Variants in MACF1 observed in about 807,000 individuals in gnomAD.
MACF1 encodes microtubule actin crosslinking factor 1.
Under a neutral mutation model 854.8 loss-of-function variants are expected in MACF1, and 193 were observed. That is an observed-to-expected ratio of 0.23 (90% CI 0.20 to 0.25). The LOEUF (loss-of-function observed/expected upper bound fraction) is 0.25, where lower values mean the gene tolerates loss of function less well. MACF1 is among the 10% of genes least tolerant of loss of function. MACF1 has a pLI of 1.00. For missense variants in MACF1, 7,722 were observed against 8,929.1 expected, an observed-to-expected ratio of 0.86 and a Z score of 5.45; for synonymous variants, 3,185 against 3,226.7, an observed-to-expected ratio of 0.99 and a Z score of 0.44.
rs557820623 is a variant in MACF1, at chr1:39,297,934, T to A, written c.2481+189T>A. 3.3e-5 allele frequency among the ~76,000 whole-genome samples: 5 copies of A among 152,340 alleles called. No homozygotes were observed. The East Asian group carries it at 7.7e-4, about 23-fold the overall frequency. ...CTTTTTTTCCTTTTCTTTTCTTAAA[T>A]AAGTTGCTAATAAGATTTCTTTGGG... On this transcript the variant is annotated intron_variant, in intron 21 of 100. Coordinates refer to ENST00000564288, the MANE Select transcript of MACF1 (RefSeq NM_001394062.1).
rs1015123762 is a variant in MACF1, at chr1:39,298,565, A to T, written c.2481+820A>T. ...ATTTCAATAGAAAAGTCTGAATAAG[A>T]GAACTAGAATAACCCAAAACAGTTC... On this transcript the variant is annotated intron_variant, in intron 21 of 100. Coordinates refer to ENST00000564288, the MANE Select transcript of MACF1 (RefSeq NM_001394062.1). 7 of 373,180 alleles carry T rather than the reference A, an allele frequency of 1.9e-5. No individual in the cohort carries two copies. The Admixed American group carries it at 2.1e-4, about 11-fold the overall frequency. 23.1% of individuals were successfully genotyped at this position (373,180 alleles called of 1,614,324 possible). A position where few individuals can be genotyped will look rare whatever the true frequency, so the allele number is the denominator to read the frequency against.
At chr1:39,101,948 G>T (rs1007262489) in intron 2 of MACF1, among the ~76,000 whole-genome samples, 9 of 151,650 alleles carry the variant, frequency 5.9e-5, no homozygotes, top group African/African-American at 2.2e-4. Flanking sequence ...AGGCCGATGC[G>T]GGCGGATCAC....
chr1:39,462,147 TA>T (rs1223804298), intron 93 of MACF1, 110 bp downstream of exon 93: 1 of 1,056,778 alleles, frequency 9.5e-7, no homozygotes, highest in Non-Finnish European at 1.4e-6. Flanking sequence ...TGTTGGGAGA[TA>T]ATTATTTGGA....
At chr1:39,467,730 G>C (rs1398807410) in intron 95 of MACF1, 1 of 152,116 alleles carries the variant, frequency 6.6e-6, no homozygotes, top group Non-Finnish European at 1.5e-5. Flanking sequence ...CTAATCATTT[G>C]TTCAGCTGAA....
rs1645095731 is a variant in MACF1, at chr1:39,485,891, A to T, written c.*97A>T. Reference sequence around the variant, plus strand: ...GAACGGGAGAAGTTATATTGTTAAAAGTGTAAAAGAATAATTGTGTTATGA... The same window carrying T: ...GAACGGGAGAAGTTATATTGTTAAATGTGTAAAAGAATAATTGTGTTATGA... On this transcript the variant is annotated 3_prime_UTR_variant, in exon 101 of 101. Transcript: ENST00000564288. 1 of 1,270,036 alleles carries T rather than the reference A, an allele frequency of 7.9e-7. No homozygotes were observed. The highest frequency in any genetic ancestry group is 1.0e-6 in the Non-Finnish European group (1 of 972,874). 78.7% of individuals were successfully genotyped at this position (1,270,036 alleles called of 1,614,324 possible).
rs1375523827 is a variant in MACF1 at position 39,291,999 on chromosome 1, A to T, written c.1875A>T (p.Glu625Asp). 2 of 1,614,056 alleles carry T rather than the reference A, an allele frequency of 1.2e-6. No homozygotes were observed. The highest frequency in any genetic ancestry group is 8.5e-7 in the Non-Finnish European group (1 of 1,179,980). ...AGCAGCACATCCATACGAGTGTAGA[A>T]GAGCTGGGCTCAAGTGTCAAGGAGG... ...ETQQHIHTSV[E>D]ELGSSVKEAR... The change falls in exon 16 of 101, where the codon GAA becomes GAT. Residue 625 changes from glutamate (E) to aspartate (D), a missense_variant. Glu to Asp is a conservative substitution (Grantham distance 45, BLOSUM62 2). Around this residue, in one of 15 missense-constraint regions of MACF1, gnomAD observed 1,137 missense variants for 1,263.0 expected, o/e 0.90. Coordinates refer to ENST00000564288, the MANE Select transcript of MACF1 (RefSeq NM_001394062.1).
chr1:39,233,775 CTTTTT>C (rs11286953), intron 2 of MACF1, among the ~76,000 whole-genome samples: 15 of 36,546 alleles, frequency 4.1e-4, no homozygotes, highest in East Asian at 7.9e-4. Flanking sequence ...CTAGCCATAG[CTTTTT>C]TTTTTTTTTT....
At chr1:39,467,065 T>G (rs1446710127) in intron 95 of MACF1, among the ~76,000 whole-genome samples, 3 of 152,182 alleles carry the variant, frequency 2.0e-5, no homozygotes, top group African/African-American at 4.8e-5. Flanking sequence ...ACAGTTGTCC[T>G]TTATAACTTT....
chr1:39,125,532 G>A (rs1437683949), intron 2 of MACF1, among the ~76,000 whole-genome samples: 4 of 152,162 alleles, frequency 2.6e-5, no homozygotes, highest in Non-Finnish European at 5.9e-5. Context: ...GAGATGCTTA[G>A]GGAAGCAGAT....
At chr1:39,086,813 C>T (rs148754765) in intron 2 of MACF1, among the ~76,000 whole-genome samples, 6 of 152,282 alleles carry the variant, frequency 3.9e-5, no homozygotes, top group African/African-American at 9.6e-5. Context: ...GTGGGTGCTG[C>T]GCTGTGCTGT....
intron 2 of MACF1, among the ~76,000 whole-genome samples, chr1:39,125,591 T>C (rs1433582367): frequency 6.6e-6 from 1 of 152,210 alleles, no homozygotes; most frequent in Non-Finnish European, 1.5e-5. Context: ...TTATGTCCTT[T>C]TCTGTAATGG....
intron 58 of MACF1, among the ~76,000 whole-genome samples, chr1:39,401,949 C>T (rs937675430): frequency 6.6e-6 from 1 of 152,210 alleles, no homozygotes; most frequent in Non-Finnish European, 1.5e-5. Flanking sequence ...CAGTGGCTCA[C>T]GCCCGTAATC....
chr1:39,300,188 T>G, intron 21 of MACF1, 22 bp from the exon 22 acceptor site: 1 of 1,611,290 alleles, frequency 6.2e-7, no homozygotes, highest in East Asian at 2.2e-5. Context: ...AATGTCATTT[T>G]GTTTTTCTTA....
rs1258090441 is a variant in MACF1, at chr1:39,335,411, A to C, written c.8823A>C (p.Glu2941Asp). Residue 2941 changes from glutamate to aspartate, a missense_variant, in exon 37 of 101, where the codon GAA (glutamate) becomes GAC (aspartate). Glu to Asp is a conservative substitution (Grantham distance 45). Transcript: ENST00000564288. ...DSEEIRENQGEVILEVQETYC... is the reference protein window; with the variant it reads ...DSEEIRENQGDVILEVQETYC... ...AAGAAATAAGAGAAAATCAAGGGGA[A>C]GTGATTTTGGAAGTACAAGAAACAT... 3 of 1,614,068 alleles carry C rather than the reference A, an allele frequency of 1.9e-6. No homozygotes were observed. In the East Asian group the frequency reaches 6.7e-5, roughly 36 times the overall value.
chr1:39,484,101 C>T (rs1341508194), intron 99 of MACF1, among the ~76,000 whole-genome samples: 2 of 152,166 alleles, frequency 1.3e-5, no homozygotes, highest in Admixed American at 6.5e-5. Context: ...TGCGGTGATC[C>T]GAGATTGCAC....
At chr1:39,476,296 C>T (rs369735829) in intron 97 of MACF1, among the ~76,000 whole-genome samples, 1 of 152,246 alleles carries the variant, frequency 6.6e-6, no homozygotes, top group African/African-American at 2.4e-5. Context: ...CTAGGCTGGG[C>T]GCGGTGGCTC....
chr1:39,449,105 T>G (rs1334295570), intron 84 of MACF1, among the ~76,000 whole-genome samples: 1 of 152,184 alleles, frequency 6.6e-6, no homozygotes, highest in Non-Finnish European at 1.5e-5. Context: ...ATTACCTCAT[T>G]TAACCATAAT....
chr1:39,355,453 T>C (rs1187465724), intron 44 of MACF1, among the ~76,000 whole-genome samples: 2 of 149,964 alleles, frequency 1.3e-5, no homozygotes, highest in Non-Finnish European at 3.0e-5. Context: ...TTTCTTTTTT[T>C]CTTCTGCTTT....
At position 39,334,013 on chromosome 1, in the gene MACF1, A is replaced by G; in HGVS notation, c.7425A>G (p.Lys2475=). 1 of 1,614,216 alleles carries G rather than the reference A, an allele frequency of 6.2e-7. No individual in the cohort carries two copies. Among genetic ancestry groups the G allele is most frequent in the Non-Finnish European group, 8.5e-7 (1 of 1,180,032 alleles). The change falls in exon 37 of 101, where the codon AAA becomes AAG. Residue 2475 remains lysine, a synonymous_variant. Coordinates refer to ENST00000564288, the MANE Select transcript of MACF1 (RefSeq NM_001394062.1). ...CAGGACTTATAGACCCTGATAGTAAAGCACCTTTAACAGTTGTGCAGTCCA... is the reference window on the plus strand; with the variant it reads ...CAGGACTTATAGACCCTGATAGTAAGGCACCTTTAACAGTTGTGCAGTCCA... The part of the protein sequence containing the change: ...ETTGLIDPDS[K]APLTVVQSID...
Sources: allele counts gnomAD v4.1 joint callset (sites outside exome capture counted in the v4.1 genomes callset), GRCh38; gene constraint gnomAD v4.1.1; regional missense constraint gnomAD v4.1.1; transcripts MANE v1.5; gene names NCBI Gene and HGNC (gene_info 2026-07-23, HGNC 2026-07-21).